The following RAPGEF2 variants were observed in gnomAD, a reference collection of about 807,000 sequenced individuals.
RAPGEF2 encodes the protein PDZ domain containing guanine nucleotide exchange factor (GEF) 1.
In RAPGEF2, 54 loss-of-function variants were observed where a neutral mutation model predicts 186.7. The observed-to-expected ratio is 0.29, with a 90% CI of 0.23 to 0.36. The LOEUF is 0.36. Ranked by LOEUF, RAPGEF2 falls within the 10% of genes least tolerant of loss-of-function variation. The pLI is 1.00. For missense variants in RAPGEF2, 1,532 were observed against 2,045.0 expected (o/e 0.75, Z 4.84); for synonymous variants, 712 against 705.9 (o/e 1.01, Z -0.14).
chr4:159,299,883 A>T (rs1046203768), intron 7 of RAPGEF2, among the ~76,000 whole-genome samples: 7 of 147,088 alleles, frequency 4.8e-5, no homozygotes, highest in Non-Finnish European at 9.0e-5. Flanking sequence ...CCTACATAAT[A>T]AAAAAAAAAG....
At chr4:159,105,661 A>G (rs560070040) in intron 1 of RAPGEF2, among the ~76,000 whole-genome samples, 7 of 152,356 alleles carry the variant, frequency 4.6e-5, no homozygotes, top group African/African-American at 1.4e-4. Flanking sequence ...GGTGTTGCAC[A>G]CGCTGCCTTT....
intron 7 of RAPGEF2, among the ~76,000 whole-genome samples, chr4:159,254,062 A>C (rs1755830832): frequency 6.6e-6 from 1 of 152,228 alleles, no homozygotes; most frequent in African/African-American, 2.4e-5. Context: ...CTTTATGCAA[A>C]CTTCTCGCTT....
intron 7 of RAPGEF2, among the ~76,000 whole-genome samples, chr4:159,262,071 A>G (rs1756938066): frequency 6.6e-6 from 1 of 152,192 alleles, no homozygotes; most frequent in Admixed American, 6.5e-5. Context: ...CCCATCTTAA[A>G]CAGTGTGGAA....
intron 1 of RAPGEF2, among the ~76,000 whole-genome samples, chr4:159,133,132 G>A (rs1363611848): frequency 2.6e-5 from 4 of 151,978 alleles, no homozygotes; most frequent in Non-Finnish European, 5.9e-5. Flanking sequence ...AGTATAGTTT[G>A]GAAAGATGTA....
In RAPGEF2 at chr4:159,141,929, AC is replaced by A. The variant is rs199563996; in HGVS notation, c.69+37701del. ...AAACAAATGGGATCCAGAAAACCTC[AC>A]CCATCTGTAACATAAGAGAAGTATC... On this transcript the variant is annotated intron_variant, in intron 1 of 29. Coordinates refer to ENST00000691494, the MANE Select transcript of RAPGEF2 (RefSeq NM_001394067.2). 4.1e-3 allele frequency among the ~76,000 whole-genome samples: 625 copies of A among 152,282 alleles called. 4 individuals are homozygous for A. Among genetic ancestry groups the A allele is most frequent in the African/African-American group, 0.014 (564 of 41,560 alleles).
chr4:159,119,628 C>T (rs542125542), intron 1 of RAPGEF2, among the ~76,000 whole-genome samples: 1 of 152,266 alleles, frequency 6.6e-6, no homozygotes, highest in East Asian at 1.9e-4. Context: ...TTATGGAATG[C>T]AGGTATATTC....
chr4:159,201,757 G>A (rs1434664555), intron 3 of RAPGEF2, among the ~76,000 whole-genome samples: 3 of 152,190 alleles, frequency 2.0e-5, no homozygotes, highest in Non-Finnish European at 2.9e-5. Context: ...GAGGGTGTTG[G>A]TGAGACCGCA....
intron 7 of RAPGEF2, among the ~76,000 whole-genome samples, chr4:159,251,647 A>G (rs1227848131): frequency 6.6e-6 from 1 of 151,994 alleles, no homozygotes; most frequent in East Asian, 1.9e-4. Context: ...GACTTTGAGA[A>G]CTTTTATGTC....
chr4:159,218,091 A>C (rs1024841277), intron 4 of RAPGEF2, among the ~76,000 whole-genome samples: 1 of 152,258 alleles, frequency 6.6e-6, no homozygotes, highest in Admixed American at 6.5e-5. Context: ...TTTTAAAAAT[A>C]ACTCACTAGT....
At chr4:159,295,754 TGCGCGCGC>T (rs66478721) in intron 7 of RAPGEF2, among the ~76,000 whole-genome samples, 3,000 of 113,910 alleles carry the variant, frequency 0.026, 103 homozygotes, top group African/African-American at 0.081. Context: ...TGTGTGTGTG[TGCGCGCGC>T]GCGCGCGCGC....
intron 1 of RAPGEF2, among the ~76,000 whole-genome samples, chr4:159,109,920 G>C (rs1738308963): frequency 6.6e-6 from 1 of 152,118 alleles, no homozygotes; most frequent in Non-Finnish European, 1.5e-5. Context: ...TGGTTTGTGA[G>C]GGTAGTGAGG....
intron 4 of RAPGEF2, among the ~76,000 whole-genome samples, chr4:159,235,420 G>A (rs1349703438): frequency 6.6e-6 from 1 of 152,136 alleles, no homozygotes; most frequent in Non-Finnish European, 1.5e-5. Context: ...CACTTTTTCA[G>A]TGTAGAGCAT....
intron 1 of RAPGEF2, among the ~76,000 whole-genome samples, chr4:159,173,990 C>T (rs1653137100): frequency 6.6e-6 from 1 of 152,092 alleles, no homozygotes; most frequent in African/African-American, 2.4e-5. Context: ...AAGCTGTAGG[C>T]TTGGTGGTGT....
intron 19 of RAPGEF2, among the ~76,000 whole-genome samples, chr4:159,340,038 C>T (rs1295615159): frequency 6.6e-6 from 1 of 152,162 alleles, no homozygotes; most frequent in East Asian, 1.9e-4. Context: ...ACTTTATCTT[C>T]AAGTCACAAT....
At chr4:159,208,399 G>A (rs1561087538) in intron 3 of RAPGEF2, among the ~76,000 whole-genome samples, 2 of 152,190 alleles carry the variant, frequency 1.3e-5, no homozygotes, top group African/African-American at 4.8e-5. Context: ...CAGCGTCTAT[G>A]ATGTACTCTT....
chr4:159,296,443 A>G (rs1472410916), intron 7 of RAPGEF2, among the ~76,000 whole-genome samples: 1 of 152,218 alleles, frequency 6.6e-6, no homozygotes, highest in Admixed American at 6.5e-5. Context: ...ATCAATATCC[A>G]TGAGAATTTT....
In RAPGEF2 at chr4:159,341,745, T is replaced by C. The variant is rs745876738; in HGVS notation, c.2716T>C (p.Leu906=). The change falls in exon 20 of 30, where the codon TTA becomes CTA. Residue 906 remains leucine (L), a synonymous_variant. Transcript: ENST00000691494. ...NIEPTEYIDD[L]FKLRSKTSCA... The stretch of plus-strand genomic sequence containing the variant: ...TGAACCTACTGAATATATAGATGAT[T>C]TATTTAAACTCAGATCAAAAACCAG... 1 of 1,613,940 alleles carries C rather than the reference T, an allele frequency of 6.2e-7. No individual in the cohort carries two copies. The highest frequency in any genetic ancestry group is 8.5e-7 in the Non-Finnish European group (1 of 1,179,880).
intron 3 of RAPGEF2, among the ~76,000 whole-genome samples, chr4:159,201,986 G>A (rs1040405374): frequency 2.0e-5 from 3 of 151,992 alleles, no homozygotes; most frequent in South Asian, 2.1e-4. Context: ...GATACTGTGC[G>A]GTATTACATC....
chr4:159,183,497 G>A (rs938078302), intron 1 of RAPGEF2, among the ~76,000 whole-genome samples: 1 of 152,090 alleles, frequency 6.6e-6, no homozygotes, highest in Non-Finnish European at 1.5e-5. Context: ...TGGGATCTTG[G>A]ATTAGGTAAT....
Sources: allele counts gnomAD v4.1 joint callset (sites outside exome capture counted in the v4.1 genomes callset), GRCh38; gene constraint gnomAD v4.1.1; transcripts MANE v1.5; gene names NCBI Gene and HGNC (gene_info 2026-07-23, HGNC 2026-07-21).